Variants in CEP72 observed in about 807,000 individuals in gnomAD.
CEP72 encodes the protein centrosomal protein of 72 kDa.
CEP72 carries 78 observed loss-of-function variants against 65.7 expected under a neutral mutation model. The observed-to-expected ratio is 1.19, with a 90% CI of 0.99 to 1.43. The LOEUF is 1.43. CEP72 is among the 40% of genes most tolerant of loss of function. CEP72 has a pLI of 0.00. For synonymous variants in CEP72, 358 were observed against 351.7 expected (o/e 1.02, Z -0.20); for missense variants, 914 against 832.9 (o/e 1.10, Z -1.20).
At chr5:665,924 GCCCCCA>G (rs1739886361) in intron 3 of CEP72, 1 of 48,216 alleles carries the variant, frequency 2.1e-5, no homozygotes, top group Non-Finnish European at 3.0e-5. Context: ...TCCAGGCCCC[GCCCCCA>G]CCCCCTCCAG....
intron 6 of CEP72, among the ~76,000 whole-genome samples, chr5:636,308 A>T (rs1737593300): frequency 6.6e-6 from 1 of 152,236 alleles, no homozygotes; most frequent in Non-Finnish European, 1.5e-5. Flanking sequence ...GTTTAGATTC[A>T]TGGTTGGTAA....
At chr5:663,481 C>T (rs1739767209) in exon 2 of CEP72, 2 of 152,488 alleles carry the variant, frequency 1.3e-5, no homozygotes, top group Admixed American at 6.5e-5. Flanking sequence ...CAGGTGGAGG[C>T]TTCTCTGTTG....
rs116524399 is a variant in CEP72, at chr5:647,993, C to T, written c.1778+77C>T. The T allele has an allele frequency of 1.5e-4, 137 of 943,446 alleles. No individual in the cohort carries two copies. In the African/African-American group the frequency reaches 2.1e-3, roughly 14 times the overall value. 58.4% of individuals were successfully genotyped at this position (943,446 alleles called of 1,614,324 possible). ...CAGGGAGGGTTGGGCCGGACTGGGT[C>T]ACACCCAGAAGGCACAGAGGAGCAG... is the stretch of plus-strand genomic sequence containing the variant. On this transcript the variant is annotated intron_variant, in intron 11 of 11. Coordinates refer to ENST00000264935, the MANE Select transcript of CEP72 (RefSeq NM_018140.4).
downstream of CEP72, among the ~76,000 whole-genome samples, chr5:669,810 C>T (rs1006002756): frequency 2.6e-5 from 4 of 152,216 alleles, no homozygotes; most frequent in Non-Finnish European, 2.9e-5. Context: ...GGGTGCCCCC[C>T]GCCTGGGGCA....
chr5:636,586 G>A lies in CEP72; in HGVS notation c.905-931G>A, dbSNP rs150713189. Among the ~76,000 whole-genome samples the A allele has an allele frequency of 6.8e-3, 1,037 of 152,288 alleles. 31 individuals are homozygous for A. Among genetic ancestry groups the A allele is most frequent in the Admixed American group, 0.051 (778 of 15,300 alleles). ...AATATTTTGGGAGGCCGAGGCAGGCGGATCATTTGAGGTCAGGAGTTTAAG... is the reference window on the plus strand; with the variant it reads ...AATATTTTGGGAGGCCGAGGCAGGCAGATCATTTGAGGTCAGGAGTTTAAG... On this transcript the variant is annotated intron_variant, in intron 6 of 11. Coordinates refer to ENST00000264935, the MANE Select transcript of CEP72 (RefSeq NM_018140.4).
intron 4 of CEP72, 93 bp from the exon 5 acceptor site, chr5:633,676 G>C (rs1225079783): frequency 2.4e-6 from 3 of 1,242,612 alleles, no homozygotes; most frequent in South Asian, 1.4e-5. Context: ...GCTTCTCTCA[G>C]AGACCGTGCA....
At chr5:666,150 T>TTA (rs778366074) in intron 4 of CEP72, 14 of 1,535,414 alleles carry the variant, frequency 9.1e-6, no homozygotes, top group South Asian at 9.1e-5. Flanking sequence ...GACTTAGGGC[T>TTA]GGGCGCGGGC....
chr5:665,022 T>C, intron 2 of CEP72: 3 of 1,507,440 alleles, frequency 2.0e-6, no homozygotes, highest in Non-Finnish European at 2.7e-6. Flanking sequence ...CCCCAGTTAG[T>C]ACAGGAATGT....
intron 1 of CEP72, among the ~76,000 whole-genome samples, chr5:616,172 C>T (rs1735977704): frequency 6.6e-6 from 1 of 152,054 alleles, no homozygotes; most frequent in Admixed American, 6.5e-5. Flanking sequence ...AAAATTTTTT[C>T]AGCAGTTGTC....
chr5:624,511 A>G lies in CEP72; in HGVS notation c.444A>G (p.Arg148=), dbSNP rs1736614508. 3.1e-6 allele frequency: 5 copies of G among 1,614,044 alleles called. No homozygotes were observed. The highest frequency in any genetic ancestry group is 2.7e-5 in the African/African-American group (2 of 74,932). Residue 148 remains arginine, a synonymous_variant, in exon 4 of 12, where the codon CGA becomes CGG. Transcript: ENST00000264935. The surrounding 1 kb of genome is among the most constrained non-coding windows in gnomAD (Gnocchi z 4.7). The stretch of plus-strand genomic sequence containing the variant: ...GAGCAAGCGAGCGGAAGGCTTCCCG[A>G]CTGCATTTTGCATCAGAGGACTCAC... ...PVRASERKAS[R]LHFASEDSLD...
chr5:674,331 A>C, the CEP72 span, among the ~76,000 whole-genome samples: 7 of 143,658 alleles, frequency 4.9e-5, no homozygotes, highest in African/African-American at 2.1e-4. Flanking sequence ...AGGACACCTG[A>C]GGGGGAGGAG....
At position 641,657 on chromosome 5, in the gene CEP72, T is replaced by A. The variant is rs541775264; in HGVS notation, c.1539+1053T>A. 3.5e-5 allele frequency: 34 copies of A among 984,146 alleles called. No individual in the cohort carries two copies. The South Asian group carries it at 1.3e-3, about 38-fold the overall frequency. 61.0% of individuals were successfully genotyped at this position (984,146 alleles called of 1,614,324 possible). ...TAAACACATGTGGGCCTCCTCCATCTGGAAGCCTCTGTATTTAAACACACG... is the reference window on the plus strand; with the variant it reads ...TAAACACATGTGGGCCTCCTCCATCAGGAAGCCTCTGTATTTAAACACACG... On this transcript the variant is annotated intron_variant, in intron 9 of 11. Transcript: ENST00000264935.
At position 637,581 on chromosome 5, in the gene CEP72, T is replaced by C; in HGVS notation, c.969T>C (p.Pro323=). The C allele has an allele frequency of 6.2e-7, 1 of 1,614,094 alleles. No homozygotes were observed. ...QKLDLSGEMV[P]GPLPAPGKCR... ...TGGATTTGTCAGGAGAAATGGTGCC[T>C]GGTCCCCTGCCAGCCCCCGGAAAGT... The change falls in exon 7 of 12, where the codon CCT becomes CCC. Residue 323 remains proline, a synonymous_variant. Transcript: ENST00000264935.
intron 9 of CEP72, chr5:641,102 T>C: frequency 1.0e-6 from 1 of 985,386 alleles, no homozygotes; most frequent in Non-Finnish European, 1.2e-6. Flanking sequence ...TCAGCCAGGC[T>C]CCCTCCTTCC....
chr5:624,487 A>G lies in CEP72; in HGVS notation c.420A>G (p.Arg140=), dbSNP rs1208492969. Residue 140 remains arginine, a synonymous_variant, in exon 4 of 12, where the codon AGA becomes AGG. Transcript: ENST00000264935. This position sits in a 1 kb window ranked among gnomAD's most constrained non-coding sequence, Gnocchi z 4.7. ...KLQQLDDRPV[R]ASERKASRLH... is the part of the protein sequence containing the mutation. ...TTCTTCTAGACGATCGCCCCGTGAG[A>G]GCAAGCGAGCGGAAGGCTTCCCGAC... 2 of 1,613,962 alleles carry G rather than the reference A, an allele frequency of 1.2e-6. No homozygotes were observed. Among genetic ancestry groups the G allele is most frequent in the Non-Finnish European group, 1.7e-6 (2 of 1,179,924 alleles).
chr5:648,624 TGAGGCGTG>T (rs1738615276), intron 11 of CEP72, among the ~76,000 whole-genome samples: 2 of 106,244 alleles, frequency 1.9e-5, no homozygotes, highest in African/African-American at 3.7e-5. Flanking sequence ...GCGTGGACTG[TGAGGCGTG>T]GACTGTGAGG....
downstream of CEP72, among the ~76,000 whole-genome samples, chr5:654,030 C>CGCTTGCTGTGTGTGTGT: frequency 1.1e-5 from 1 of 94,308 alleles, no homozygotes; most frequent in Non-Finnish European, 2.1e-5. Context: ...CGCTAGTGTG[C>CGCTTGCTGTGTGTGTGT]GCTTGCTGTG....
Position 612,346 on chromosome 5 carries a change from G to A in CEP72, c.-16G>A, listed in dbSNP as rs1273200296. On this transcript the variant is annotated 5_prime_UTR_variant, in exon 1 of 12. Coordinates refer to ENST00000264935, the MANE Select transcript of CEP72 (RefSeq NM_018140.4). ...CGCCCGCCGCGCAGGCGCCGTCCGAGGGCTCCGTTTGAAACATGGCGCGGG... is the reference window on the plus strand; with the variant it reads ...CGCCCGCCGCGCAGGCGCCGTCCGAAGGCTCCGTTTGAAACATGGCGCGGG... 3 of 1,485,214 alleles carry A rather than the reference G, an allele frequency of 2.0e-6. No individual in the cohort carries two copies. Among genetic ancestry groups the A allele is most frequent in the Middle Eastern group, 2.3e-4 (1 of 4,274 alleles). 92.0% of individuals were successfully genotyped at this position (1,485,214 alleles called of 1,614,324 possible). A position where few individuals can be genotyped will look rare whatever the true frequency, so the allele number is the denominator to read the frequency against.
intron 4 of CEP72, among the ~76,000 whole-genome samples, chr5:631,439 G>T (rs1737180541): frequency 2.0e-5 from 1 of 49,284 alleles, no homozygotes; most frequent in African/African-American, 1.2e-4. Context: ...TCTGTCCAGC[G>T]CCGGGATTTG....
Sources: allele counts gnomAD v4.1 joint callset (sites outside exome capture counted in the v4.1 genomes callset), GRCh38; gene constraint gnomAD v4.1.1; non-coding constraint Gnocchi (gnomAD v3.1); transcripts MANE v1.5; gene names NCBI Gene and HGNC (gene_info 2026-07-23, HGNC 2026-07-21).